SHROOM3: variants seen among roughly 807,000 people sequenced by gnomAD.
SHROOM3 encodes protein Shroom3.
A neutral mutation model predicts 138.6 loss-of-function variants in SHROOM3; 47 were observed. The ratio of observed to expected loss-of-function variants is 0.34; its 90% CI spans 0.27 to 0.43. SHROOM3 has a LOEUF of 0.43. SHROOM3 is among the 20% of genes least tolerant of loss of function. The pLI is 1.00. For missense variants in SHROOM3, 2,491 were observed against 2,596.5 expected, an observed-to-expected ratio of 0.96 and a Z score of 0.88; for synonymous variants, 1,062 against 1,063.3, an observed-to-expected ratio of 1.00 and a Z score of 0.02.
chr4:76,441,105 T>TTC (rs1730665784), intron 1 of SHROOM3, among the ~76,000 whole-genome samples: 1 of 145,502 alleles, frequency 6.9e-6, no homozygotes, highest in South Asian at 2.3e-4. Flanking sequence ...TTTTTTTTTT[T>TTC]TTGAGACAGA....
chr4:76,646,440 G>A (rs1190164526), intron 2 of SHROOM3, among the ~76,000 whole-genome samples: 1 of 151,622 alleles, frequency 6.6e-6, no homozygotes, highest in East Asian at 1.9e-4. Context: ...TTCTTTTCCA[G>A]GTTAAGGTCT....
intron 1 of SHROOM3, among the ~76,000 whole-genome samples, chr4:76,529,753 G>C (rs1732792986): frequency 6.6e-6 from 1 of 152,134 alleles, no homozygotes; most frequent in African/African-American, 2.4e-5. Flanking sequence ...TTATTCTCTT[G>C]CTCTATTTCC....
intron 8 of SHROOM3, 114 bp downstream of exon 8, chr4:76,757,051 C>A: frequency 6.5e-7 from 1 of 1,530,028 alleles, no homozygotes; most frequent in Non-Finnish European, 8.9e-7. Flanking sequence ...GCTCCTGAAC[C>A]AAGAGTGACA....
At chr4:76,611,523 G>A (rs1311688428) in intron 2 of SHROOM3, among the ~76,000 whole-genome samples, 1 of 152,072 alleles carries the variant, frequency 6.6e-6, no homozygotes, top group East Asian at 1.9e-4. Flanking sequence ...ATTCCTGGAT[G>A]CTAAAGGGGC....
At chr4:76,481,065 T>A (rs1402095598) in intron 1 of SHROOM3, among the ~76,000 whole-genome samples, 2 of 151,796 alleles carry the variant, frequency 1.3e-5, no homozygotes, top group Non-Finnish European at 2.9e-5. Context: ...ACATCACAAT[T>A]AAAGGAACTA....
chr4:76,565,987 G>A (rs1285124302), intron 2 of SHROOM3, among the ~76,000 whole-genome samples: 1 of 151,708 alleles, frequency 6.6e-6, no homozygotes, highest in Admixed American at 6.6e-5. Context: ...GTGCGTGCCT[G>A]TAGTCCCAGC....
intron 2 of SHROOM3, among the ~76,000 whole-genome samples, chr4:76,643,824 G>A (rs990097266): frequency 6.6e-6 from 1 of 151,968 alleles, no homozygotes; most frequent in African/African-American, 2.4e-5. Flanking sequence ...TTTACTGTTG[G>A]GTAGAAATTC....
At chr4:76,687,008 C>T (rs1719361146) in intron 2 of SHROOM3, among the ~76,000 whole-genome samples, 1 of 152,274 alleles carries the variant, frequency 6.6e-6, no homozygotes, top group African/African-American at 2.4e-5. Context: ...CTGGTCTTTC[C>T]TTCCCACAAC....
intron 1 of SHROOM3, among the ~76,000 whole-genome samples, chr4:76,450,884 AC>A (rs1423760446): frequency 4.6e-5 from 7 of 152,242 alleles, no homozygotes; most frequent in Non-Finnish European, 8.8e-5. Flanking sequence ...AATTAGAAGA[AC>A]AAAAAAAGAC....
rs1346767337 is a variant in SHROOM3 at position 76,741,546 on chromosome 4, C to T, written c.3373C>T (p.Pro1125Ser). 2 of 1,548,610 alleles carry T rather than the reference C, an allele frequency of 1.3e-6. No individual in the cohort carries two copies. Among genetic ancestry groups the T allele is most frequent in the Non-Finnish European group, 1.7e-6 (2 of 1,153,602 alleles). ...RAQSAYLQPG[P>S]AALEGSGLAS... ...CCAGAGTGCCTACCTCCAGCCCGGC[C>T]CCGCGGCGCTCGAAGGCTCCGGCCT... Residue 1125 changes from proline (P) to serine (S), a missense_variant, in exon 5 of 11, where the codon CCC becomes TCC. Physicochemically the swap from Pro to Ser is moderately conservative, Grantham distance 74. Transcript: ENST00000296043. The surrounding 1 kb of genome is among the most constrained non-coding windows in gnomAD (Gnocchi z 6.2).
At chr4:76,552,068 A>G (rs994692172) in intron 1 of SHROOM3, among the ~76,000 whole-genome samples, 7 of 147,946 alleles carry the variant, frequency 4.7e-5, no homozygotes, top group Non-Finnish European at 7.5e-5. Context: ...TCACCGTGTT[A>G]GCCAGGATGG....
At chr4:76,726,831 TCTC>T (rs1720718197) in intron 3 of SHROOM3, among the ~76,000 whole-genome samples, 1 of 152,150 alleles carries the variant, frequency 6.6e-6, no homozygotes, top group Non-Finnish European at 1.5e-5. Context: ...TCACACCTCA[TCTC>T]CTTGACAGGA....
At chr4:76,603,773 C>T (rs1007276741) in intron 2 of SHROOM3, among the ~76,000 whole-genome samples, 14 of 151,808 alleles carry the variant, frequency 9.2e-5, no homozygotes, top group Admixed American at 5.9e-4. Flanking sequence ...TGATGTTCCC[C>T]TCCCTGTGTC....
At chr4:76,531,346 G>A (rs548732654) in intron 1 of SHROOM3, among the ~76,000 whole-genome samples, 21 of 152,136 alleles carry the variant, frequency 1.4e-4, no homozygotes, top group African/African-American at 4.3e-4. Flanking sequence ...AATTGATGGT[G>A]CCCCTCAGTA....
At position 76,508,583 on chromosome 4, in the gene SHROOM3, A is replaced by G. The variant is rs370852607; in HGVS notation, c.169-47026A>G. On this transcript the variant is annotated intron_variant, in intron 1 of 10. Transcript: ENST00000296043. ...TTAAAATCGCTTTTCAGTTGCTGCA[A>G]AGAAGCCAAGTGAGATTTTAATAGG... Among the ~76,000 whole-genome samples, 4 of 152,338 alleles carry G rather than the reference A, an allele frequency of 2.6e-5. No individual in the cohort carries two copies. In the South Asian group the frequency reaches 8.3e-4, roughly 32 times the overall value.
chr4:76,456,105 C>T (rs960269169), intron 1 of SHROOM3, among the ~76,000 whole-genome samples: 1 of 152,172 alleles, frequency 6.6e-6, no homozygotes, highest in African/African-American at 2.4e-5. Flanking sequence ...CTCCCTGGTT[C>T]AAGCGATTCT....
chr4:76,737,306 A>C (rs981044489), intron 4 of SHROOM3, among the ~76,000 whole-genome samples: 15 of 149,256 alleles, frequency 1.0e-4, no homozygotes, highest in African/African-American at 3.5e-4. Flanking sequence ...CATTGTGTAG[A>C]TATACCACAG....
intron 1 of SHROOM3, among the ~76,000 whole-genome samples, chr4:76,501,421 G>A (rs1560526037): frequency 2.6e-5 from 4 of 152,160 alleles, no homozygotes; most frequent in Admixed American, 2.0e-4. Context: ...CAATAAGGAT[G>A]CTAGGAGAAC....
intron 2 of SHROOM3, among the ~76,000 whole-genome samples, chr4:76,626,183 TA>T (rs1246998993): frequency 6.6e-6 from 1 of 152,204 alleles, no homozygotes; most frequent in Non-Finnish European, 1.5e-5. Flanking sequence ...CTAATTCATG[TA>T]AAATTCAACG....
Sources: allele counts gnomAD v4.1 joint callset (sites outside exome capture counted in the v4.1 genomes callset), GRCh38; gene constraint gnomAD v4.1.1; non-coding constraint Gnocchi (gnomAD v3.1); transcripts MANE v1.5; gene names NCBI Gene and HGNC (gene_info 2026-07-23, HGNC 2026-07-21).